The following LRTM2 variants were observed in gnomAD, a reference collection of about 807,000 sequenced individuals.
LRTM2 encodes the protein leucine rich repeat transmembrane protein 2, also known as leucine-rich repeat and transmembrane domain-containing protein 2.
Under a neutral mutation model 28.1 loss-of-function variants are expected in LRTM2, and 18 were observed. The ratio of observed to expected loss-of-function variants is 0.64; its 90% confidence interval spans 0.44 to 0.95. The LOEUF is 0.95. Among genes scored for constraint, LRTM2 ranks in the 40% least tolerant of loss-of-function variants. LRTM2 has a pLI of 0.00. For missense variants in LRTM2, 436 were observed against 497.2 expected (o/e 0.88, Z 1.17); for synonymous variants, 250 against 218.7 (o/e 1.14, Z -1.26).
Position 1,834,219 on chromosome 12 carries a change from CA to C in LRTM2, c.659-46del, listed in dbSNP as rs1864751221. On this transcript the variant is annotated intron_variant, in intron 4 of 4. Coordinates refer to ENST00000299194, the MANE Select transcript of LRTM2 (RefSeq NM_001039029.3). This position sits in a 1 kb window ranked among gnomAD's most constrained non-coding sequence, Gnocchi z 7.6. ...GAGCTGGGGATGGGGAGAGGGAGTGCAAGTTCTAGATGCCTGGTCAGCCCCT... is the reference window on the plus strand; with the variant it reads ...GAGCTGGGGATGGGGAGAGGGAGTGCAGTTCTAGATGCCTGGTCAGCCCCT... The C allele has an allele frequency of 1.3e-6, 2 of 1,513,376 alleles. No homozygotes were observed. Among genetic ancestry groups the C allele is most frequent in the Non-Finnish European group, 1.8e-6 (2 of 1,131,380 alleles). The allele number at this position is 1,513,376 out of a possible 1,614,324, so 93.7% of individuals were successfully genotyped here.
chr12:1,833,298 G>A lies in LRTM2; in HGVS notation c.659-969G>A, dbSNP rs1261569036. On this transcript the variant is annotated intron_variant, in intron 4 of 4. Coordinates refer to ENST00000299194, the MANE Select transcript of LRTM2 (RefSeq NM_001039029.3). This position sits in a 1 kb window ranked among gnomAD's most constrained non-coding sequence, Gnocchi z 4.2. ...CTGCAGCCCGCATCTTTTCGGCAGG[G>A]GGTCTAGTGCCTGCATCCAGATTTC... Among the ~76,000 whole-genome samples the A allele has an allele frequency of 6.6e-6, 1 of 152,176 alleles. No individual in the cohort carries two copies.
In LRTM2 at chr12:1,834,470, G is replaced by A; in HGVS notation, c.862G>A (p.Glu288Lys). 6.2e-7 allele frequency: 1 copy of A among 1,610,632 alleles called. No individual in the cohort carries two copies. The highest frequency in any genetic ancestry group is 8.5e-7 in the Non-Finnish European group (1 of 1,179,816). Reference sequence around the variant, plus strand: ...CAAGCCCGGGGCTGAGCCGGAGCCGGAGCCCAGCACAGCCTGCCCACAGAA... The same window carrying A: ...CAAGCCCGGGGCTGAGCCGGAGCCGAAGCCCAGCACAGCCTGCCCACAGAA... ...KPKPGAEPEPEPSTACPQKQR... is the reference protein window; with the variant it reads ...KPKPGAEPEPKPSTACPQKQR... The change falls in exon 5 of 5, where the codon GAG becomes AAG. Residue 288 changes from glutamate to lysine, a missense_variant. Glu to Lys is a moderately conservative substitution (Grantham distance 56). Transcript: ENST00000299194. This position sits in a 1 kb window ranked among gnomAD's most constrained non-coding sequence, Gnocchi z 7.6.
Position 1,828,255 on chromosome 12 carries a change from G to T in LRTM2, c.67+40G>T. 6.6e-7 allele frequency: 1 copy of T among 1,507,714 alleles called. No homozygotes were observed. Among genetic ancestry groups the T allele is most frequent in the Non-Finnish European group, 8.9e-7 (1 of 1,120,008 alleles). The allele number at this position is 1,507,714 out of a possible 1,614,324, so 93.4% of individuals were successfully genotyped here. A position where few individuals can be genotyped will look rare whatever the true frequency, so the allele number is the denominator to read the frequency against. On this transcript the variant is annotated intron_variant, in intron 3 of 4. Coordinates refer to ENST00000299194, the MANE Select transcript of LRTM2 (RefSeq NM_001039029.3). This position sits in a 1 kb window ranked among gnomAD's most constrained non-coding sequence, Gnocchi z 4.2. ...GGCCTCGGAGGGGGGTGCGGGTTGG[G>T]TGGGGGTGCCGAGGTGACTGTAGGT...
At chr12:1,832,925 C>G (rs993041367) in intron 4 of LRTM2, among the ~76,000 whole-genome samples, 2 of 152,240 alleles carry the variant, frequency 1.3e-5, no homozygotes, top group African/African-American at 4.8e-5. Flanking sequence ...GGCTGCATCC[C>G]TGTCAGCACC....
At position 1,834,067 on chromosome 12, in the gene LRTM2, C is replaced by A. The variant is rs1008180203; in HGVS notation, c.659-200C>A. ...TGCGAGGATGAAATGGCACGATATA[C>A]GTAACTCACTGTGGACTTGGCTCAA... is the stretch of plus-strand genomic sequence containing the variant. On this transcript the variant is annotated intron_variant, in intron 4 of 4. Coordinates refer to ENST00000299194, the MANE Select transcript of LRTM2 (RefSeq NM_001039029.3). The surrounding 1 kb of genome is among the most constrained non-coding windows in gnomAD (Gnocchi z 7.6). Among the ~76,000 whole-genome samples the A allele has an allele frequency of 6.6e-6, 1 of 152,222 alleles. No homozygotes were observed. The highest frequency in any genetic ancestry group is 2.4e-5 in the African/African-American group (1 of 41,448).
chr12:1,827,499 T>A lies in LRTM2; in HGVS notation c.-169T>A, dbSNP rs61909413. The A allele has an allele frequency of 0.047, 7,134 of 152,932 alleles. 234 individuals are homozygous for A. Among genetic ancestry groups the A allele is most frequent in the Non-Finnish European group, 0.068 (4,646 of 68,172 alleles). The allele number at this position is 152,932 out of a possible 1,614,324, so 9.5% of individuals were successfully genotyped here. On this transcript the variant is annotated 5_prime_UTR_variant, in exon 2 of 5. Coordinates refer to ENST00000299194, the MANE Select transcript of LRTM2 (RefSeq NM_001039029.3). ...GCTGCTATTCACCTCTGCGTGGGCGTCGGTGGTGCAGGGGGAAGCAGCAGG... is the reference window on the plus strand; with the variant it reads ...GCTGCTATTCACCTCTGCGTGGGCGACGGTGGTGCAGGGGGAAGCAGCAGG...
In LRTM2 at chr12:1,834,243, C is replaced by T. The variant is rs375490061; in HGVS notation, c.659-24C>T. ...GCAAGTTCTAGATGCCTGGTCAGCCCCTCTTTTTCTCTTCTGCATGTAGGG... is the reference window on the plus strand; with the variant it reads ...GCAAGTTCTAGATGCCTGGTCAGCCTCTCTTTTTCTCTTCTGCATGTAGGG... On this transcript the variant is annotated intron_variant, in intron 4 of 4. Coordinates refer to ENST00000299194, the MANE Select transcript of LRTM2 (RefSeq NM_001039029.3). The surrounding 1 kb of genome is among the most constrained non-coding windows in gnomAD (Gnocchi z 7.6). The T allele has an allele frequency of 1.9e-5, 29 of 1,528,192 alleles. No homozygotes were observed. The highest frequency in any genetic ancestry group is 1.9e-4 in the Middle Eastern group (1 of 5,334). The allele number at this position is 1,528,192 out of a possible 1,614,324, so 94.7% of individuals were successfully genotyped here. A position where few individuals can be genotyped will look rare whatever the true frequency, so the allele number is the denominator to read the frequency against.
At chr12:1,826,520 C>T (rs754482039) in intron 1 of LRTM2, among the ~76,000 whole-genome samples, 4 of 150,204 alleles carry the variant, frequency 2.7e-5, no homozygotes, top group African/African-American at 4.9e-5. Context: ...ATGCCAGGGA[C>T]GTGGGTCCTC....
Position 1,834,953 on chromosome 12 carries a change from G to A in LRTM2, c.*232G>A, listed in dbSNP as rs1864793466. The A allele has an allele frequency of 1.4e-6, 1 of 723,372 alleles. No homozygotes were observed. 44.8% of individuals were successfully genotyped at this position (723,372 alleles called of 1,614,324 possible). A position where few individuals can be genotyped will look rare whatever the true frequency, so the allele number is the denominator to read the frequency against. On this transcript the variant is annotated 3_prime_UTR_variant, in exon 5 of 5. Coordinates refer to ENST00000299194, the MANE Select transcript of LRTM2 (RefSeq NM_001039029.3). The surrounding 1 kb of genome is among the most constrained non-coding windows in gnomAD (Gnocchi z 7.6). Reference sequence around the variant, plus strand: ...TCCTGTCTGGGCCAGTAAATCTTTGGAACATGTGGGGGATCTCCCTAAGCT... The same window carrying A: ...TCCTGTCTGGGCCAGTAAATCTTTGAAACATGTGGGGGATCTCCCTAAGCT...
intron 1 of LRTM2, among the ~76,000 whole-genome samples, chr12:1,826,409 C>CA (rs1040917310): frequency 4.9e-5 from 3 of 60,788 alleles, no homozygotes; most frequent in East Asian, 8.9e-4. Context: ...AGCCCCCCCC[C>CA]CCCCCCCGCC....
chr12:1,823,508 C>A (rs1188550168), intron 1 of LRTM2, among the ~76,000 whole-genome samples: 1 of 152,124 alleles, frequency 6.6e-6, no homozygotes, highest in East Asian at 1.9e-4. Context: ...ACAGCCCACT[C>A]AGCTCCGCAT....
intron 1 of LRTM2, among the ~76,000 whole-genome samples, chr12:1,824,507 G>A (rs371388572): frequency 3.9e-5 from 6 of 152,190 alleles, no homozygotes; most frequent in Non-Finnish European, 5.9e-5. Flanking sequence ...ACTCCGTGGA[G>A]GCCTGGCCCC....
intron 1 of LRTM2, among the ~76,000 whole-genome samples, chr12:1,821,040 G>A (rs1475218735): frequency 6.6e-6 from 1 of 152,254 alleles, no homozygotes; most frequent in Non-Finnish European, 1.5e-5. Flanking sequence ...CTGGGGACAA[G>A]AGCTGTGGAT....
At chr12:1,830,754 A>C (rs1864586085) in intron 3 of LRTM2, among the ~76,000 whole-genome samples, 181 bp from the exon 4 acceptor site, 1 of 152,252 alleles carries the variant, frequency 6.6e-6, no homozygotes, top group Non-Finnish European at 1.5e-5. Context: ...TTAATATGGA[A>C]GTGGCTTTGG....
At position 1,831,178 on chromosome 12, in the gene LRTM2, T is replaced by C; in HGVS notation, c.311T>C (p.Leu104Pro). ...LQRLDLSNNF[L>P]DRLPRSIFGD... is the part of the protein sequence containing the mutation. ...CGGTTGGACCTGTCCAACAACTTCC[T>C]GGACCGGCTGCCCCGCTCCATTTTC... Residue 104 changes from leucine (L) to proline (P), a missense_variant, in exon 4 of 5, where the codon CTG becomes CCG. Physicochemically the swap from Leu to Pro is moderately conservative, Grantham distance 98. Transcript: ENST00000299194. The C allele has an allele frequency of 6.2e-7, 1 of 1,614,000 alleles. No individual in the cohort carries two copies. The highest frequency in any genetic ancestry group is 8.5e-7 in the Non-Finnish European group (1 of 1,180,030).
intron 4 of LRTM2, among the ~76,000 whole-genome samples, chr12:1,831,942 A>G (rs1864654667): frequency 6.6e-6 from 1 of 152,218 alleles, no homozygotes; most frequent in Non-Finnish European, 1.5e-5. Context: ...GCTCTTCTGA[A>G]GAATACAGCC....
At chr12:1,823,902 G>A (rs1864212813) in intron 1 of LRTM2, among the ~76,000 whole-genome samples, 1 of 152,188 alleles carries the variant, frequency 6.6e-6, no homozygotes, top group Admixed American at 6.5e-5. Context: ...TCCTGTACAA[G>A]TAACCCCCAC....
chr12:1,824,390 A>T (rs1469680545), intron 1 of LRTM2, among the ~76,000 whole-genome samples: 2 of 152,326 alleles, frequency 1.3e-5, no homozygotes, highest in African/African-American at 4.8e-5. Flanking sequence ...GCAATGGTCT[A>T]CACTCAAAGC....
At position 1,836,110 on chromosome 12, in the gene LRTM2, G is replaced by A. The variant is rs1037772267; in HGVS notation, c.*1389G>A. The stretch of plus-strand genomic sequence containing the variant: ...TCTGTTCCCGGGCTTTGTCTGCTCA[G>A]TGTGGCTCCCTAGAGCACCCAGCCG... On this transcript the variant is annotated 3_prime_UTR_variant, in exon 5 of 5. Transcript: ENST00000299194. The A allele has an allele frequency of 2.0e-5, 3 of 152,370 alleles. No homozygotes were observed. The highest frequency in any genetic ancestry group is 4.4e-5 in the Non-Finnish European group (3 of 68,138). 9.4% of individuals were successfully genotyped at this position (152,370 alleles called of 1,614,324 possible).
Sources: gnomAD v4.1 joint callset for allele counts (sites outside exome capture counted in the v4.1 genomes callset) on GRCh38, gnomAD v4.1.1 for gene constraint, Gnocchi (gnomAD v3.1) non-coding constraint, MANE v1.5 for transcripts, NCBI Gene and HGNC (gene_info 2026-07-23, HGNC 2026-07-21) for gene names.